The following SLC22A23 variants were observed in gnomAD, a reference collection of about 807,000 sequenced individuals.
SLC22A23 encodes solute carrier family 22 member 23, also known as ion transporter protein.
SLC22A23 carries 26 observed loss-of-function variants against 61.0 expected under a neutral mutation model. The ratio of observed to expected loss-of-function variants is 0.43; its 90% confidence interval spans 0.31 to 0.59. The LOEUF is 0.59. SLC22A23 is among the 20% of genes least tolerant of loss of function. SLC22A23 has a pLI of 0.11. For missense variants in SLC22A23, 796 were observed against 934.7 expected (o/e 0.85, Z 1.94); for synonymous variants, 430 against 413.9 (o/e 1.04, Z -0.47).
At chr6:3,291,322 GCT>G (rs1760570755) in intron 5 of SLC22A23, 3 of 152,196 alleles carry the variant, frequency 2.0e-5, no homozygotes, top group Admixed American at 2.0e-4. Context: ...GGGTCACAAA[GCT>G]CTTTCATTAT....
intron 6 of SLC22A23, 70 bp from the exon 7 acceptor site, chr6:3,287,161 T>C: frequency 1.4e-6 from 2 of 1,446,204 alleles, no homozygotes; most frequent in Admixed American, 1.9e-5. Flanking sequence ...CTCCTGGGAG[T>C]TCGTGCTGTC....
chr6:3,364,132 T>C (rs771379594), intron 3 of SLC22A23, among the ~76,000 whole-genome samples: 1 of 152,246 alleles, frequency 6.6e-6, no homozygotes. Context: ...TCAAAGGTAA[T>C]AGAAAGCTCA....
chr6:3,329,176 C>T lies in SLC22A23; in HGVS notation c.914-5174G>A, dbSNP rs2127406904. Among the ~76,000 whole-genome samples the T allele has an allele frequency of 6.6e-6, 1 of 152,222 alleles. No homozygotes were observed. Among genetic ancestry groups the T allele is most frequent in the East Asian group, 1.9e-4 (1 of 5,180 alleles). ...TTCTCCCCCCACCTCCCTCATCCCCCACAAACACACACACCGATCTAACTG... is the reference window on the plus strand; with the variant it reads ...TTCTCCCCCCACCTCCCTCATCCCCTACAAACACACACACCGATCTAACTG... On this transcript the variant is annotated intron_variant, in intron 3 of 9. Coordinates refer to ENST00000406686, the MANE Select transcript of SLC22A23 (RefSeq NM_015482.2). This position sits in a 1 kb window ranked among gnomAD's most constrained non-coding sequence, Gnocchi z 4.8.
Position 3,346,116 on chromosome 6 carries a change from T to A in SLC22A23, c.914-22114A>T, listed in dbSNP as rs373176196. Among the ~76,000 whole-genome samples the A allele has an allele frequency of 2.6e-5, 4 of 152,298 alleles. No homozygotes were observed. In the East Asian group the frequency reaches 7.7e-4, roughly 29 times the overall value. On this transcript the variant is annotated intron_variant, in intron 3 of 9. Transcript: ENST00000406686. ...AGCCTGGTGCCAGTGAAACTTTTCC[T>A]GCCTTGAACTGCTCAAAGCCCAAGC...
chr6:3,291,054 G>C (rs1258303802), intron 5 of SLC22A23: 3 of 152,290 alleles, frequency 2.0e-5, no homozygotes, highest in African/African-American at 7.2e-5. Flanking sequence ...ACCAAATAAA[G>C]GCTGGGGTTT....
rs900392799 is a variant in SLC22A23, at chr6:3,308,422, T to C, written c.1083-10204A>G. On this transcript the variant is annotated intron_variant, in intron 4 of 9. Coordinates refer to ENST00000406686, the MANE Select transcript of SLC22A23 (RefSeq NM_015482.2). This position sits in a 1 kb window ranked among gnomAD's most constrained non-coding sequence, Gnocchi z 5.1. ...CCCACATCACAGTGAAAAATGCCAGTCTCACTCTAAACATTCCCTTCCTTT... is the reference window on the plus strand; with the variant it reads ...CCCACATCACAGTGAAAAATGCCAGCCTCACTCTAAACATTCCCTTCCTTT... Among the ~76,000 whole-genome samples, 3 of 152,120 alleles carry C rather than the reference T, an allele frequency of 2.0e-5. No individual in the cohort carries two copies. The highest frequency in any genetic ancestry group is 4.4e-5 in the Non-Finnish European group (3 of 68,014).
At chr6:3,383,167 AG>A (rs1207502406) in intron 3 of SLC22A23, among the ~76,000 whole-genome samples, 1 of 152,254 alleles carries the variant, frequency 6.6e-6, no homozygotes, top group Non-Finnish European at 1.5e-5. Context: ...AGATCAACAC[AG>A]GCGGCATCTC....
intron 3 of SLC22A23, among the ~76,000 whole-genome samples, chr6:3,336,891 G>A (rs965392916): frequency 6.6e-6 from 1 of 151,016 alleles, no homozygotes; most frequent in African/African-American, 2.4e-5. Flanking sequence ...TGACCTCCTG[G>A]GCTCCAGTGG....
At chr6:3,275,734 C>T (rs1343778756) in intron 9 of SLC22A23, among the ~76,000 whole-genome samples, 1 of 152,192 alleles carries the variant, frequency 6.6e-6, no homozygotes, top group Admixed American at 6.5e-5. Flanking sequence ...AGGCGCGTGC[C>T]ACCATGCCCA....
intron 9 of SLC22A23, among the ~76,000 whole-genome samples, chr6:3,280,450 C>G (rs1029284093): frequency 1.3e-5 from 2 of 149,844 alleles, no homozygotes; most frequent in African/African-American, 2.5e-5. Flanking sequence ...CTGTCTGCTA[C>G]TCAGTACTTG....
intron 3 of SLC22A23, among the ~76,000 whole-genome samples, chr6:3,393,916 C>T (rs939400970): frequency 6.6e-6 from 1 of 152,188 alleles, no homozygotes; most frequent in African/African-American, 2.4e-5. Context: ...CCCTCCTCTC[C>T]CTGCACTCCA....
intron 3 of SLC22A23, among the ~76,000 whole-genome samples, chr6:3,403,129 C>T (rs1768545442): frequency 6.6e-6 from 1 of 151,650 alleles, no homozygotes; most frequent in Non-Finnish European, 1.5e-5. Context: ...AATGATTTTG[C>T]TTCCCACTAG....
chr6:3,297,078 C>A lies in SLC22A23; in HGVS notation c.1210+1013G>T, dbSNP rs558333299. On this transcript the variant is annotated intron_variant, in intron 5 of 9. Transcript: ENST00000406686. The surrounding 1 kb of genome is among the most constrained non-coding windows in gnomAD (Gnocchi z 4.3). ...AGCCCTGCTGTTTCATCCCTCCTGACGTATGCACGTGTAACTTCCCTGTCT... is the reference window on the plus strand; with the variant it reads ...AGCCCTGCTGTTTCATCCCTCCTGAAGTATGCACGTGTAACTTCCCTGTCT... Among the ~76,000 whole-genome samples the A allele has an allele frequency of 1.5e-4, 23 of 152,344 alleles. No homozygotes were observed. The highest frequency in any genetic ancestry group is 2.9e-4 in the Non-Finnish European group (20 of 68,040).
intron 1 of SLC22A23, 34 bp from the exon 2 acceptor site, chr6:3,415,889 G>T: frequency 6.9e-7 from 1 of 1,454,204 alleles, no homozygotes; most frequent in Non-Finnish European, 9.4e-7. Context: ...AAATCAGAGA[G>T]AAACATACAC....
rs1447368471 is a variant in SLC22A23, at chr6:3,345,043, C to T, written c.914-21041G>A. On this transcript the variant is annotated intron_variant, in intron 3 of 9. Transcript: ENST00000406686. ...AGTACTTGACTAGACAAAAGACCCA[C>T]GGCTAAGACTGTAATAAATATGTCC... 5.3e-5 allele frequency among the ~76,000 whole-genome samples: 8 copies of T among 152,348 alleles called. No homozygotes were observed. In the East Asian group the frequency reaches 5.8e-4, roughly 11 times the overall value.
chr6:3,302,414 T>TC, intron 4 of SLC22A23, among the ~76,000 whole-genome samples: 1 of 152,340 alleles, frequency 6.6e-6, no homozygotes, highest in East Asian at 1.9e-4. Flanking sequence ...TATGGTTTTG[T>TC]TAGTCTCAAT....
At position 3,273,173 on chromosome 6, in the gene SLC22A23, TC is replaced by T; in HGVS notation, c.1942del (p.Glu648SerfsTer36). 2 of 1,612,712 alleles carry T rather than the reference TC, an allele frequency of 1.2e-6. No homozygotes were observed. Among genetic ancestry groups the T allele is most frequent in the Non-Finnish European group, 1.7e-6 (2 of 1,179,816 alleles). The part of the protein sequence containing the change: ...RQPLLPHKKG[E>X]QPLLLTNAEL... ...GGCGTTGGTGAGCAGCAGTGGCTGC[TC>T]CCCCTTCTTGTGCGGCAGCAGCGGC... On this transcript the variant is annotated frameshift_variant, in exon 10 of 10. Transcript: ENST00000406686. LOFTEE classifies it high-confidence loss of function.
chr6:3,396,084 G>A (rs550906733), intron 3 of SLC22A23, among the ~76,000 whole-genome samples: 16 of 152,336 alleles, frequency 1.1e-4, no homozygotes, highest in Non-Finnish European at 1.9e-4. Flanking sequence ...AGAGCCAGGC[G>A]GACTTGGGAC....
chr6:3,378,251 G>C (rs1309749224), intron 3 of SLC22A23, among the ~76,000 whole-genome samples: 1 of 152,164 alleles, frequency 6.6e-6, no homozygotes, highest in Non-Finnish European at 1.5e-5. Context: ...TGTCAGGTGG[G>C]TGCACTGAGA....
Sources: gnomAD v4.1 joint callset for allele counts (sites outside exome capture counted in the v4.1 genomes callset) on GRCh38, gnomAD v4.1.1 for gene constraint, Gnocchi (gnomAD v3.1) non-coding constraint, MANE v1.5 for transcripts, NCBI Gene and HGNC (gene_info 2026-07-23, HGNC 2026-07-21) for gene names.